RAB11FIP5: variants seen among roughly 807,000 people sequenced by gnomAD.
RAB11FIP5 encodes the protein rab11 family-interacting protein 5.
Under a neutral mutation model 85.1 loss-of-function variants are expected in RAB11FIP5, and 48 were observed. The observed-to-expected ratio is 0.56, with a 90% CI of 0.45 to 0.72. The LOEUF is 0.72. Among genes scored for constraint, RAB11FIP5 ranks in the 30% least tolerant of loss-of-function variants. The pLI is 0.00. For missense variants in RAB11FIP5, 1,491 were observed against 1,687.0 expected, an observed-to-expected ratio of 0.88 and a Z score of 2.04; for synonymous variants, 729 against 727.3, an observed-to-expected ratio of 1.00 and a Z score of -0.04.
chr2:73,093,271 T>A (rs941908095), intron 1 of RAB11FIP5, among the ~76,000 whole-genome samples: 2 of 151,994 alleles, frequency 1.3e-5, no homozygotes, highest in Non-Finnish European at 2.9e-5. Context: ...TCTGGGAAGC[T>A]CCCTCAGCTG....
At position 73,089,182 on chromosome 2, in the gene RAB11FIP5, G is replaced by C; in HGVS notation, c.565C>G (p.Pro189Ala). 1 of 1,614,202 alleles carries C rather than the reference G, an allele frequency of 6.2e-7. No individual in the cohort carries two copies. Among genetic ancestry groups the C allele is most frequent in the African/African-American group, 1.3e-5 (1 of 75,044 alleles). ...DLSMKDKPRSPFSKIRDKMKG... is the reference protein window; with the variant it reads ...DLSMKDKPRSAFSKIRDKMKG... ...ATCTTGTCCCTGATCTTGCTGAAGG[G>C]AGACCTTGGCTTGTCCTTCATGGAC... is the stretch of plus-strand genomic sequence containing the variant. The change falls in exon 2 of 6, where the codon CCC (proline) becomes GCC (alanine). Residue 189 changes from proline (P) to alanine (A), a missense_variant. Coordinates refer to ENST00000486777, the MANE Select transcript of RAB11FIP5 (RefSeq NM_001371272.1). The surrounding 1 kb of genome is among the most constrained non-coding windows in gnomAD (Gnocchi z 4.6).
rs371216378 is a variant in RAB11FIP5, at chr2:73,075,637, G to A, written c.3859C>T (p.Leu1287=). The A allele has an allele frequency of 3.1e-6, 5 of 1,613,886 alleles. No individual in the cohort carries two copies. Among genetic ancestry groups the A allele is most frequent in the Non-Finnish European group, 4.2e-6 (5 of 1,179,914 alleles). Residue 1287 remains leucine, a synonymous_variant, in exon 6 of 6, where the codon CTG becomes TTG. Coordinates refer to ENST00000486777, the MANE Select transcript of RAB11FIP5 (RefSeq NM_001371272.1). This position sits in a 1 kb window ranked among gnomAD's most constrained non-coding sequence, Gnocchi z 4.6. ...TGCACATGCTCGTCCCGCTGGCTCA[G>A]CTCCCGCTCCCGCTGCAGGAGCAGG... ...ISLLLQRERE[L]SQRDEHVQEL...
At chr2:73,103,021 C>G (rs1684458988) in intron 1 of RAB11FIP5, among the ~76,000 whole-genome samples, 1 of 152,236 alleles carries the variant, frequency 6.6e-6, no homozygotes, top group South Asian at 2.1e-4. Context: ...CTCCTCTCCT[C>G]TCCAAGTGCC....
intron 3 of RAB11FIP5, among the ~76,000 whole-genome samples, chr2:73,085,085 A>G (rs1684067437): frequency 6.6e-6 from 1 of 152,228 alleles, no homozygotes; most frequent in South Asian, 2.1e-4. Flanking sequence ...TGTGAGGAGC[A>G]CATGAGGAGA....
At chr2:73,097,014 C>A (rs367669539) in intron 1 of RAB11FIP5, among the ~76,000 whole-genome samples, 16 of 151,846 alleles carry the variant, frequency 1.1e-4, no homozygotes, top group African/African-American at 2.9e-4. Context: ...AGTACCCCAA[C>A]TGCAACCACC....
At chr2:73,100,738 A>C (rs1285658972) in intron 1 of RAB11FIP5, among the ~76,000 whole-genome samples, 1 of 151,980 alleles carries the variant, frequency 6.6e-6, no homozygotes, top group East Asian at 1.9e-4. Flanking sequence ...AGACTGAAAA[A>C]TAATGGCCAA....
rs199945628 is a variant in RAB11FIP5, at chr2:73,088,237, G to A, written c.1381C>T (p.Arg461Trp). The change falls in exon 3 of 6, where the codon CGG becomes TGG. Residue 461 changes from arginine (R) to tryptophan (W), a missense_variant. Physicochemically the swap from Arg to Trp is moderately radical, Grantham distance 101. Coordinates refer to ENST00000486777, the MANE Select transcript of RAB11FIP5 (RefSeq NM_001371272.1). Reference sequence around the variant, plus strand: ...TGGTGGTGGTGGAAGAGACCCATCCGGGGCTTGCGTTCCTCCTTCCGGGCT... The same window carrying A: ...TGGTGGTGGTGGAAGAGACCCATCCAGGGCTTGCGTTCCTCCTTCCGGGCT... Reference protein sequence around the residue: ...EGARKEERKPRMGLFHHHHQG... With the variant: ...EGARKEERKPWMGLFHHHHQG... The A allele has an allele frequency of 2.9e-4, 461 of 1,613,882 alleles. 5 individuals carry two copies. In the South Asian group the frequency reaches 3.8e-3, roughly 13 times the overall value.
At chr2:73,107,870 G>T (rs1394278142) in intron 1 of RAB11FIP5, among the ~76,000 whole-genome samples, 2 of 152,130 alleles carry the variant, frequency 1.3e-5, no homozygotes, top group African/African-American at 4.8e-5. Flanking sequence ...TTTCCCGAGG[G>T]GCAGAGTCAC....
intron 1 of RAB11FIP5, among the ~76,000 whole-genome samples, chr2:73,109,826 C>T (rs541464176): frequency 1.3e-5 from 2 of 152,326 alleles, no homozygotes; most frequent in South Asian, 2.1e-4. Flanking sequence ...TCTCCCCCAT[C>T]CCATAAGAAG....
chr2:73,099,617 G>A (rs1684390336), intron 1 of RAB11FIP5, among the ~76,000 whole-genome samples: 2 of 152,220 alleles, frequency 1.3e-5, no homozygotes, highest in South Asian at 4.1e-4. Flanking sequence ...CCAGCGTCAC[G>A]CCACAGTGCT....
At chr2:73,110,153 G>A (rs1684609906) in intron 1 of RAB11FIP5, among the ~76,000 whole-genome samples, 1 of 152,192 alleles carries the variant, frequency 6.6e-6, no homozygotes, top group South Asian at 2.1e-4. Context: ...CCCTACCTGA[G>A]ACCACCACAG....
intron 1 of RAB11FIP5, among the ~76,000 whole-genome samples, chr2:73,105,909 G>A (rs1293103164): frequency 6.6e-6 from 1 of 152,144 alleles, no homozygotes; most frequent in Non-Finnish European, 1.5e-5. Context: ...GCCATGTGCT[G>A]TGGTCAAGTC....
In RAB11FIP5 at chr2:73,088,688, G is replaced by A. The variant is rs760969242; in HGVS notation, c.930C>T (p.Ala310=). The A allele has an allele frequency of 1.2e-6, 2 of 1,612,836 alleles. No individual in the cohort carries two copies. The highest frequency in any genetic ancestry group is 2.2e-5 in the South Asian group (2 of 91,024). The change falls in exon 3 of 6, where the codon GCC becomes GCT. Residue 310 remains alanine (A), a synonymous_variant. Transcript: ENST00000486777. The part of the protein sequence containing the change: ...FTHKRTYSDE[A]NQMRVAPPRA... ...GAGGAGGAGCCACTCGCATCTGGTT[G>A]GCCTCATCGCTGTAGGTCCTCTTAT...
Position 73,112,483 on chromosome 2 carries a change from C to A in RAB11FIP5, c.295G>T (p.Ala99Ser), listed in dbSNP as rs1166622460. ...TCGCAGGCGGCGGCGGAGCTCGCGG[C>A]CCAGGGCGCCGGGCCCGCGTCGGCC... ...QEADAGPAPW[A>S]ASSAAACELV... The change falls in exon 1 of 6, where the codon GCC becomes TCC. Residue 99 changes from alanine to serine, a missense_variant. By Grantham distance (99) the Ala-to-Ser change is moderately conservative (BLOSUM62 1). Around this residue, in one of 3 missense-constraint regions of RAB11FIP5, gnomAD observed 1,211 missense variants for 1,338.0 expected, o/e 0.91. Coordinates refer to ENST00000486777, the MANE Select transcript of RAB11FIP5 (RefSeq NM_001371272.1). 21 of 1,486,518 alleles carry A rather than the reference C, an allele frequency of 1.4e-5. No homozygotes were observed. Among genetic ancestry groups the A allele is most frequent in the Admixed American group, 2.6e-5 (1 of 38,266 alleles). 92.1% of individuals were successfully genotyped at this position (1,486,518 alleles called of 1,614,324 possible). A position where few individuals can be genotyped will look rare whatever the true frequency, so the allele number is the denominator to read the frequency against.
chr2:73,098,087 G>A (rs1364831777), intron 1 of RAB11FIP5, among the ~76,000 whole-genome samples: 10 of 152,282 alleles, frequency 6.6e-5, no homozygotes, highest in Admixed American at 4.6e-4. Context: ...CATGGACTTC[G>A]GTGCCAGGCT....
In RAB11FIP5 at chr2:73,073,807, C is replaced by G. The variant is rs1326454272; in HGVS notation, c.*1714G>C. On this transcript the variant is annotated 3_prime_UTR_variant, in exon 6 of 6. Coordinates refer to ENST00000486777, the MANE Select transcript of RAB11FIP5 (RefSeq NM_001371272.1). ...GATGAGTGGAGTTTAAGGTAGGTAACGTTACAGGGGCTTTCCTCCATGTGT... is the reference window on the plus strand; with the variant it reads ...GATGAGTGGAGTTTAAGGTAGGTAAGGTTACAGGGGCTTTCCTCCATGTGT... The G allele has an allele frequency of 2.0e-5, 3 of 152,218 alleles. No homozygotes were observed. The East Asian group carries it at 5.8e-4, about 29-fold the overall frequency. 9.4% of individuals were successfully genotyped at this position (152,218 alleles called of 1,614,324 possible). A position where few individuals can be genotyped will look rare whatever the true frequency, so the allele number is the denominator to read the frequency against.
rs1280682450 is a variant in RAB11FIP5 at position 73,089,206 on chromosome 2, A to T, written c.541T>A (p.Ser181Thr). ...GGAGACCTTGGCTTGTCCTTCATGG[A>T]CAGGTCAAACATACTGGCGCTCAGG... ...NNLSASMFDL[S>T]MKDKPRSPFS... Residue 181 changes from serine to threonine, a missense_variant, in exon 2 of 6, where the codon TCC becomes ACC. Ser to Thr is a moderately conservative substitution (Grantham distance 58). Coordinates refer to ENST00000486777, the MANE Select transcript of RAB11FIP5 (RefSeq NM_001371272.1). This position sits in a 1 kb window ranked among gnomAD's most constrained non-coding sequence, Gnocchi z 4.6. 2.5e-6 allele frequency: 4 copies of T among 1,614,124 alleles called. No individual in the cohort carries two copies. Among genetic ancestry groups the T allele is most frequent in the Non-Finnish European group, 3.4e-6 (4 of 1,180,016 alleles).
intron 3 of RAB11FIP5, among the ~76,000 whole-genome samples, chr2:73,082,756 C>G (rs1463011530): frequency 6.6e-6 from 1 of 152,194 alleles, no homozygotes; most frequent in Non-Finnish European, 1.5e-5. Context: ...AGGACAGGGT[C>G]CTTTCTGGGG....
chr2:73,099,351 T>C (rs1358934748), intron 1 of RAB11FIP5, among the ~76,000 whole-genome samples: 1 of 152,178 alleles, frequency 6.6e-6, no homozygotes, highest in Non-Finnish European at 1.5e-5. Context: ...TTCAACACCA[T>C]TGGTGTACTT....
Sources: gnomAD v4.1 joint callset for allele counts (sites outside exome capture counted in the v4.1 genomes callset) on GRCh38, gnomAD v4.1.1 for gene constraint, gnomAD v4.1.1 regional missense constraint, Gnocchi (gnomAD v3.1) non-coding constraint, MANE v1.5 for transcripts, NCBI Gene and HGNC (gene_info 2026-07-23, HGNC 2026-07-21) for gene names.